The following ELMO1 variants were observed in gnomAD, a reference collection of about 807,000 sequenced individuals.
ELMO1 encodes the protein engulfment and cell motility protein 1.
ELMO1 carries 26 observed loss-of-function variants against 98.9 expected under a neutral mutation model. That is an observed-to-expected ratio of 0.26 (90% CI 0.19 to 0.36). ELMO1 has a LOEUF of 0.36. ELMO1 is among the 10% of genes least tolerant of loss of function. ELMO1 has a pLI of 1.00. For synonymous variants in ELMO1, 346 were observed against 346.0 expected, an observed-to-expected ratio of 1.00 and a Z score of 0.00; for missense variants, 627 against 935.2, an observed-to-expected ratio of 0.67 and a Z score of 4.30.
At chr7:37,018,695 T>C (rs1416639112) in intron 15 of ELMO1, among the ~76,000 whole-genome samples, 3 of 152,158 alleles carry the variant, frequency 2.0e-5, no homozygotes, top group Non-Finnish European at 2.9e-5. Context: ...CAGGCTGGTC[T>C]CAAACTCCTG....
intron 13 of ELMO1, among the ~76,000 whole-genome samples, chr7:37,161,918 A>ATATATATG (rs1554429658): frequency 1.1e-5 from 1 of 90,766 alleles, no homozygotes; most frequent in African/African-American, 3.4e-5. Context: ...ATATATATAT[A>ATATATATG]TATATATATA....
intron 14 of ELMO1, among the ~76,000 whole-genome samples, chr7:37,105,388 C>T (rs1166021104): frequency 6.6e-6 from 1 of 152,210 alleles, no homozygotes; most frequent in Admixed American, 6.5e-5. Flanking sequence ...AAAATCTCCC[C>T]TTTTATGCCA....
intron 13 of ELMO1, among the ~76,000 whole-genome samples, chr7:37,149,131 C>G (rs1052175841): frequency 6.6e-6 from 1 of 152,216 alleles, no homozygotes; most frequent in African/African-American, 2.4e-5. Flanking sequence ...AGCTGTTACA[C>G]ATGGACTCCC....
At chr7:36,974,720 G>T (rs904911479) in intron 16 of ELMO1, among the ~76,000 whole-genome samples, 1 of 152,124 alleles carries the variant, frequency 6.6e-6, no homozygotes, top group African/African-American at 2.4e-5. Flanking sequence ...TTCCACACTG[G>T]GGAAGCTTTG....
At chr7:37,001,230 T>C (rs1792649042) in intron 16 of ELMO1, among the ~76,000 whole-genome samples, 1 of 152,078 alleles carries the variant, frequency 6.6e-6, no homozygotes, top group South Asian at 2.1e-4. Context: ...GGCAAGAAAA[T>C]TCTTTATTGT....
intron 16 of ELMO1, among the ~76,000 whole-genome samples, chr7:36,961,108 T>A (rs191085928): frequency 1.7e-3 from 256 of 152,330 alleles, no homozygotes; most frequent in African/African-American, 6.0e-3. Context: ...GCCATATCAA[T>A]AGCACAATAC....
At chr7:37,287,613 T>C (rs972378390) in intron 4 of ELMO1, among the ~76,000 whole-genome samples, 26 of 152,212 alleles carry the variant, frequency 1.7e-4, no homozygotes, top group Non-Finnish European at 2.4e-4. Flanking sequence ...GTTGCTGACA[T>C]TTGTGATTCA....
At chr7:37,229,694 A>G (rs1025878720) in intron 8 of ELMO1, among the ~76,000 whole-genome samples, 9 of 152,228 alleles carry the variant, frequency 5.9e-5, no homozygotes. Flanking sequence ...CAGCTAATGA[A>G]TAAAAAAGTT....
intron 14 of ELMO1, among the ~76,000 whole-genome samples, chr7:37,105,682 A>G (rs192604649): frequency 9.2e-5 from 14 of 152,322 alleles, no homozygotes; most frequent in Admixed American, 8.5e-4. Context: ...TCACATCTAC[A>G]TTCCCAATTT....
At chr7:37,232,691 AG>A (rs1042596639) in intron 8 of ELMO1, among the ~76,000 whole-genome samples, 2 of 152,216 alleles carry the variant, frequency 1.3e-5, no homozygotes, top group African/African-American at 4.8e-5. Context: ...CTTCAAACCT[AG>A]GTGTGCAGGT....
At chr7:37,180,559 GT>G (rs1193763779) in intron 13 of ELMO1, among the ~76,000 whole-genome samples, 1 of 152,162 alleles carries the variant, frequency 6.6e-6, no homozygotes, top group African/African-American at 2.4e-5. Flanking sequence ...CTGCATCCTC[GT>G]CTAGGAAAGA....
intron 13 of ELMO1, among the ~76,000 whole-genome samples, chr7:37,184,518 T>G (rs530728367): frequency 6.6e-6 from 1 of 152,334 alleles, no homozygotes; most frequent in Non-Finnish European, 1.5e-5. Context: ...ATACGTTGAC[T>G]GAAAAGCCAT....
intron 15 of ELMO1, among the ~76,000 whole-genome samples, chr7:37,041,160 T>A (rs959642618): frequency 6.6e-6 from 1 of 152,058 alleles, no homozygotes; most frequent in Non-Finnish European, 1.5e-5. Context: ...GAGGGGCATA[T>A]GCAATAGGTA....
intron 1 of ELMO1, among the ~76,000 whole-genome samples, chr7:37,446,612 G>A (rs989659982): frequency 3.9e-5 from 6 of 152,144 alleles, no homozygotes; most frequent in Non-Finnish European, 8.8e-5. Flanking sequence ...AGTTACCAAG[G>A]ACAGTAAGCA....
chr7:37,419,864 A>G (rs965630421), intron 1 of ELMO1: 1 of 152,224 alleles, frequency 6.6e-6, no homozygotes, highest in Non-Finnish European at 1.5e-5. Context: ...CATTTATTTC[A>G]GTAATTTTTA....
intron 14 of ELMO1, among the ~76,000 whole-genome samples, chr7:37,122,507 C>A (rs1039516096): frequency 1.3e-5 from 2 of 152,158 alleles, no homozygotes; most frequent in African/African-American, 4.8e-5. Context: ...ATAAAACAGA[C>A]TTTAAAGCAA....
Position 37,364,596 on chromosome 7 carries a change from T to TTTC in ELMO1, c.-73-21834_-73-21833insGAA, listed in dbSNP as rs397800856. On this transcript the variant is annotated intron_variant, in intron 1 of 21. Coordinates refer to ENST00000310758, the MANE Select transcript of ELMO1 (RefSeq NM_014800.11). ...AATGCTGGCTTAATTTTTTTTTTTT[T>TTTC]CAGAATACTTACCTTCTGTAATTAA... Among the ~76,000 whole-genome samples, 208 of 151,998 alleles carry TTTC rather than the reference T, an allele frequency of 1.4e-3. 3 individuals carry two copies. The South Asian group carries it at 0.021, about 15-fold the overall frequency.
chr7:36,900,980 T>C (rs758742256), intron 16 of ELMO1, among the ~76,000 whole-genome samples: 1 of 152,114 alleles, frequency 6.6e-6, no homozygotes, highest in Non-Finnish European at 1.5e-5. Context: ...GAAGGATAAT[T>C]TCCCAGAGGC....
At chr7:37,224,142 C>T (rs1182223197) in intron 9 of ELMO1, among the ~76,000 whole-genome samples, 1 of 152,200 alleles carries the variant, frequency 6.6e-6, no homozygotes, top group African/African-American at 2.4e-5. Flanking sequence ...GTTCCAATAA[C>T]CTCCTTTCCT....
Sources: gnomAD v4.1 joint callset for allele counts (sites outside exome capture counted in the v4.1 genomes callset) on GRCh38, gnomAD v4.1.1 for gene constraint, MANE v1.5 for transcripts, NCBI Gene and HGNC (gene_info 2026-07-23, HGNC 2026-07-21) for gene names.